Variants in PSD3 observed in about 807,000 individuals in gnomAD.
PSD3 encodes the protein pleckstrin and Sec7 domain containing 3.
Under a neutral mutation model 105.5 loss-of-function variants are expected in PSD3, and 49 were observed. The observed-to-expected ratio is 0.46, with a 90% CI of 0.37 to 0.59. The LOEUF (loss-of-function observed/expected upper bound fraction) is 0.59. PSD3 is among the 20% of genes least tolerant of loss of function. The pLI is 0.00. For synonymous variants in PSD3, 557 were observed against 457.8 expected (o/e 1.22, Z -2.77); for missense variants, 1,561 against 1,263.8 (o/e 1.24, Z -3.57).
At chr8:18,997,201 G>C (rs1200279331) in intron 1 of PSD3, among the ~76,000 whole-genome samples, 2 of 151,780 alleles carry the variant, frequency 1.3e-5, no homozygotes, top group African/African-American at 4.8e-5. Flanking sequence ...CTGTAATCCA[G>C]ATAAATATAT....
chr8:18,949,492 C>A (rs1335786193), intron 1 of PSD3, among the ~76,000 whole-genome samples: 3 of 151,540 alleles, frequency 2.0e-5, no homozygotes, highest in Admixed American at 1.3e-4. Flanking sequence ...ATAATATAAT[C>A]ATTGCATTAA....
rs375698822 is a variant in PSD3 at position 18,853,815 on chromosome 8, C to T, written c.1634+13859G>A. ...GAGTTCACATGCAGTCTAGGAACAC[C>T]AAGCTATGTCTAAGCGCCTCAAAGA... On this transcript the variant is annotated intron_variant, in intron 4 of 15. Coordinates refer to ENST00000327040, the MANE Select transcript of PSD3 (RefSeq NM_015310.4). 3.3e-5 allele frequency among the ~76,000 whole-genome samples: 5 copies of T among 152,116 alleles called. No homozygotes were observed. In the East Asian group the frequency reaches 9.6e-4, roughly 29 times the overall value.
intron 2 of PSD3, among the ~76,000 whole-genome samples, chr8:18,891,677 C>T (rs2129459652): frequency 6.6e-6 from 1 of 151,988 alleles, no homozygotes; most frequent in African/African-American, 2.4e-5. Flanking sequence ...TTGTTTTCTC[C>T]CTCTTTTTAC....
intron 11 of PSD3, among the ~76,000 whole-genome samples, chr8:18,625,782 G>A (rs28714445): frequency 0.035 from 5,271 of 152,174 alleles, 172 homozygotes; most frequent in East Asian, 0.087. Flanking sequence ...TGTATAAAAT[G>A]AGGACAATAA....
chr8:18,995,937 A>G (rs565630433), intron 1 of PSD3, among the ~76,000 whole-genome samples: 36 of 152,066 alleles, frequency 2.4e-4, no homozygotes, highest in African/African-American at 8.4e-4. Flanking sequence ...CAGCCAAACC[A>G]TATCAGCCAG....
At chr8:18,931,138 G>T (rs1821724482) in intron 2 of PSD3, among the ~76,000 whole-genome samples, 11 of 151,340 alleles carry the variant, frequency 7.3e-5, no homozygotes, top group Admixed American at 7.2e-4. Context: ...TTTTCCCTTA[G>T]GGGATTTTCC....
chr8:18,627,303 G>T (rs919504876), intron 11 of PSD3, among the ~76,000 whole-genome samples: 9 of 151,972 alleles, frequency 5.9e-5, no homozygotes, highest in Non-Finnish European at 1.2e-4. Flanking sequence ...TGCTGAGAGG[G>T]CTAGAATTTG....
At chr8:18,811,236 T>A (rs1811653220) in intron 4 of PSD3, among the ~76,000 whole-genome samples, 1 of 152,218 alleles carries the variant, frequency 6.6e-6, no homozygotes, top group Non-Finnish European at 1.5e-5. Flanking sequence ...ATGGGAAAAC[T>A]GAGGCAAGGA....
chr8:19,072,024 T>C (rs1829282538), intron 1 of PSD3, among the ~76,000 whole-genome samples: 1 of 151,984 alleles, frequency 6.6e-6, no homozygotes, highest in Non-Finnish European at 1.5e-5. Flanking sequence ...TTCTACTTTT[T>C]AACCTTGTTA....
At position 18,983,763 on chromosome 8, in the gene PSD3, C is replaced by T. The variant is rs940644316; in HGVS notation, c.21+29800G>A. Reference sequence around the variant, plus strand: ...CCTGTAATCCTACCATTTTGGGACGCTGAGGCAAGAGGATTGCTTGAGTCC... The same window carrying T: ...CCTGTAATCCTACCATTTTGGGACGTTGAGGCAAGAGGATTGCTTGAGTCC... On this transcript the variant is annotated intron_variant, in intron 1 of 15. Coordinates refer to ENST00000327040, the MANE Select transcript of PSD3 (RefSeq NM_015310.4). 2.0e-5 allele frequency among the ~76,000 whole-genome samples: 3 copies of T among 151,874 alleles called. No homozygotes were observed. In the East Asian group the frequency reaches 5.8e-4, roughly 29 times the overall value.
At chr8:18,942,613 A>T (rs1260797297) in intron 1 of PSD3, among the ~76,000 whole-genome samples, 1 of 152,210 alleles carries the variant, frequency 6.6e-6, no homozygotes, top group Non-Finnish European at 1.5e-5. Context: ...ACTTAACATG[A>T]CTAATGTCTT....
chr8:19,021,010 G>T (rs1422706586), intron 1 of PSD3, among the ~76,000 whole-genome samples: 1 of 152,078 alleles, frequency 6.6e-6, no homozygotes, highest in Non-Finnish European at 1.5e-5. Flanking sequence ...GGTAGGAGTG[G>T]GAGCTGTAAC....
chr8:18,588,274 G>C (rs895915034), intron 12 of PSD3, among the ~76,000 whole-genome samples: 1 of 152,118 alleles, frequency 6.6e-6, no homozygotes, highest in African/African-American at 2.4e-5. Context: ...GAACCAGGTA[G>C]AAACCACACA....
intron 4 of PSD3, among the ~76,000 whole-genome samples, chr8:18,817,591 T>A (rs529182860): frequency 6.6e-6 from 1 of 152,364 alleles, no homozygotes; most frequent in South Asian, 2.1e-4. Flanking sequence ...AACTGTGTAC[T>A]CGTCTCAATG....
rs1409095395 is a variant in PSD3 at position 18,533,575 on chromosome 8, TACAG to T, written c.*2164_*2167del. The T allele has an allele frequency of 6.6e-6, 1 of 152,176 alleles. No individual in the cohort carries two copies. The highest frequency in any genetic ancestry group is 1.5e-5 in the Non-Finnish European group (1 of 68,016). The allele number at this position is 152,176 out of a possible 1,614,324, so 9.4% of individuals were successfully genotyped here. On this transcript the variant is annotated 3_prime_UTR_variant, in exon 16 of 16. Coordinates refer to ENST00000327040, the MANE Select transcript of PSD3 (RefSeq NM_015310.4). Reference sequence around the variant, plus strand: ...ATGTATATTAAATAAGTAAAATACATACAGACATTCTATATACATAGATATAGAC... The same window carrying T: ...ATGTATATTAAATAAGTAAAATACATACATTCTATATACATAGATATAGAC...
At chr8:18,672,319 G>A (rs553104250) in intron 9 of PSD3, among the ~76,000 whole-genome samples, 1 of 151,962 alleles carries the variant, frequency 6.6e-6, no homozygotes, top group South Asian at 2.1e-4. Flanking sequence ...TGGGTAACAA[G>A]CACAATCCTT....
intron 9 of PSD3, chr8:18,733,492 C>A (rs1242395627): frequency 6.5e-6 from 1 of 152,676 alleles, no homozygotes; most frequent in Admixed American, 6.5e-5. Flanking sequence ...GGTGGTATTA[C>A]TCATGCATGA....
rs7835479 is a variant in PSD3 at position 18,812,814 on chromosome 8, G to A, written c.1635-7916C>T. On this transcript the variant is annotated intron_variant, in intron 4 of 15. Transcript: ENST00000327040. ...GCAGGGAATTCTCAGTCGCTGGCCT[G>A]CGGTGGGCCCTGGCATTCTTCTGTT... is the stretch of plus-strand genomic sequence containing the variant. Among the ~76,000 whole-genome samples the A allele has an allele frequency of 2.4e-3, 373 of 152,320 alleles. 1 individual carries two copies. The highest frequency in any genetic ancestry group is 8.6e-3 in the African/African-American group (356 of 41,576).
At chr8:18,624,235 G>A (rs180989012) in intron 11 of PSD3, among the ~76,000 whole-genome samples, 9 of 152,128 alleles carry the variant, frequency 5.9e-5, no homozygotes, top group Admixed American at 2.0e-4. Flanking sequence ...CAGGGTAGAA[G>A]AGGGCCCATT....
Sources: gnomAD v4.1 joint callset for allele counts (sites outside exome capture counted in the v4.1 genomes callset) on GRCh38, gnomAD v4.1.1 for gene constraint, MANE v1.5 for transcripts, NCBI Gene and HGNC (gene_info 2026-07-23, HGNC 2026-07-21) for gene names.